NAV2: variants seen among roughly 807,000 people sequenced by gnomAD.
The protein encoded by NAV2 is helicase, APC down-regulated 1.
NAV2 carries 54 observed loss-of-function variants against 223.2 expected under a neutral mutation model. The observed-to-expected ratio is 0.24, with a 90% CI of 0.19 to 0.30. The LOEUF (loss-of-function observed/expected upper bound fraction) is 0.30. Among genes scored for constraint, NAV2 ranks in the 10% least tolerant of loss-of-function variants. The probability of loss-of-function intolerance (pLI) is 1.00; values close to 1 mark genes in which losing one functional copy is unlikely to be tolerated. For missense variants in NAV2, 2,806 were observed against 3,147.5 expected (o/e 0.89, Z 2.60); for synonymous variants, 1,279 against 1,239.3 (o/e 1.03, Z -0.67).
intron 11 of NAV2, among the ~76,000 whole-genome samples, chr11:20,010,003 A>G (rs1285164470): frequency 6.6e-6 from 1 of 152,128 alleles, no homozygotes; most frequent in Non-Finnish European, 1.5e-5. Flanking sequence ...CACCTCATCT[A>G]TACTCTAAGC....
At position 19,798,474 on chromosome 11, in the gene NAV2, A is replaced by C. The variant is rs191223909; in HGVS notation, c.268-34010A>C. Among the ~76,000 whole-genome samples, 11 of 152,288 alleles carry C rather than the reference A, an allele frequency of 7.2e-5. 1 individual carries two copies. The East Asian group carries it at 2.1e-3, about 29-fold the overall frequency. ...TCCTCTGCTGTGGGAAAATGGCTTTAAAAAGATGTGGGGAGGGGATGGTTT... is the reference window on the plus strand; with the variant it reads ...TCCTCTGCTGTGGGAAAATGGCTTTCAAAAGATGTGGGGAGGGGATGGTTT... On this transcript the variant is annotated intron_variant, in intron 1 of 37. Coordinates refer to ENST00000349880, the MANE Select transcript of NAV2 (RefSeq NM_145117.5).
In NAV2 at chr11:19,892,691, T is replaced by G. The variant is rs2041605708; in HGVS notation, c.931+97T>G. 3.0e-6 allele frequency: 4 copies of G among 1,329,208 alleles called. No individual in the cohort carries two copies. The African/African-American group carries it at 5.9e-5, about 20-fold the overall frequency. The allele number at this position is 1,329,208 out of a possible 1,614,324, so 82.3% of individuals were successfully genotyped here. On this transcript the variant is annotated intron_variant, in intron 6 of 37. Coordinates refer to ENST00000349880, the MANE Select transcript of NAV2 (RefSeq NM_145117.5). ...ATTGGGTTGGGTCATGGGGAGGGGT[T>G]GCATCTGTGTTGAGAATGAGTTACA... is the stretch of plus-strand genomic sequence containing the variant.
At chr11:19,843,713 A>G (rs964280211) in intron 3 of NAV2, among the ~76,000 whole-genome samples, 1 of 151,730 alleles carries the variant, frequency 6.6e-6, no homozygotes, top group Non-Finnish European at 1.5e-5. Context: ...GTGGCAACTT[A>G]AGGACAACTA....
intron 1 of NAV2, among the ~76,000 whole-genome samples, chr11:19,758,074 A>G (rs1377133169): frequency 6.6e-6 from 1 of 152,192 alleles, no homozygotes; most frequent in Non-Finnish European, 1.5e-5. Context: ...TAATATTTAC[A>G]TTGTGGTGTA....
rs1019534183 is a variant in NAV2, at chr11:19,696,635, T to C, written c.76-135849T>C. Reference sequence around the variant, plus strand: ...GTTTGAAATTGGTTCTTGATGATAGTGGCTGGCTGTCTGGCTTCAGAGAAA... The same window carrying C: ...GTTTGAAATTGGTTCTTGATGATAGCGGCTGGCTGTCTGGCTTCAGAGAAA... On this transcript the variant is annotated intron_variant, in intron 1 of 37. Coordinates refer to the NAV2 transcript ENST00000360655. Among the ~76,000 whole-genome samples the C allele has an allele frequency of 3.9e-5, 6 of 152,244 alleles. 1 individual carries two copies. Among genetic ancestry groups the C allele is most frequent in the African/African-American group, 7.2e-5 (3 of 41,460 alleles).
chr11:19,868,717 A>G (rs1590974560), intron 3 of NAV2, among the ~76,000 whole-genome samples: 1 of 152,200 alleles, frequency 6.6e-6, no homozygotes, highest in South Asian at 2.1e-4. Context: ...GGCTGTGAGC[A>G]ATGCAAGACC....
intron 1 of NAV2, among the ~76,000 whole-genome samples, chr11:19,523,115 C>G (rs2043724381): frequency 1.3e-5 from 2 of 152,220 alleles, no homozygotes; most frequent in East Asian, 3.9e-4. Flanking sequence ...GAGGGTACCT[C>G]ACTTGTCCCT....
chr11:19,990,370 C>T (rs545492827), intron 11 of NAV2, among the ~76,000 whole-genome samples: 22 of 152,160 alleles, frequency 1.4e-4, no homozygotes, highest in Non-Finnish European at 3.1e-4. Flanking sequence ...AGAGATTCTG[C>T]AGTCATTCAA....
chr11:19,882,700 C>T (rs1223389423), intron 5 of NAV2, among the ~76,000 whole-genome samples: 3 of 152,204 alleles, frequency 2.0e-5, no homozygotes, highest in Admixed American at 1.3e-4. Flanking sequence ...CTAACGAGTG[C>T]TTTACCTAAA....
At position 19,713,479 on chromosome 11, in the gene NAV2, G is replaced by T; in HGVS notation, c.-217G>T. On this transcript the variant is annotated 5_prime_UTR_variant, in exon 1 of 38. Coordinates refer to ENST00000349880, the MANE Select transcript of NAV2 (RefSeq NM_145117.5). The surrounding 1 kb of genome is among the most constrained non-coding windows in gnomAD (Gnocchi z 7.2). ...TCCGTCCAGGTGGGACCCGCTGAGC[G>T]CCGTGGCCAGTCCCCCATTCCCATC... 1 of 1,350,686 alleles carries T rather than the reference G, an allele frequency of 7.4e-7. No individual in the cohort carries two copies. The highest frequency in any genetic ancestry group is 2.1e-5 in the South Asian group (1 of 46,760). 83.7% of individuals were successfully genotyped at this position (1,350,686 alleles called of 1,614,324 possible).
At chr11:20,036,197 C>T in intron 12 of NAV2, 100 bp downstream of exon 12, 1 of 1,396,468 alleles carries the variant, frequency 7.2e-7, no homozygotes, top group Non-Finnish European at 1.0e-6. Flanking sequence ...ACCAGAATCT[C>T]CAGGTTGATG....
chr11:19,636,080 C>T (rs2047491003), intron 1 of NAV2, among the ~76,000 whole-genome samples: 1 of 152,180 alleles, frequency 6.6e-6, no homozygotes, highest in South Asian at 2.1e-4. Flanking sequence ...TTTCACAAGC[C>T]TGAATCTCAC....
chr11:20,065,981 G>A (rs1250762332), intron 20 of NAV2, among the ~76,000 whole-genome samples: 1 of 152,208 alleles, frequency 6.6e-6, no homozygotes, highest in Admixed American at 6.5e-5. Flanking sequence ...TCCCAACTCT[G>A]CCACTTACCA....
chr11:19,408,099 C>T (rs941054387), intron 1 of NAV2, among the ~76,000 whole-genome samples: 4 of 152,170 alleles, frequency 2.6e-5, no homozygotes, highest in Non-Finnish European at 5.9e-5. Flanking sequence ...ATGAAGCGAG[C>T]TTTAACTAAC....
chr11:19,721,397 C>T (rs961431238), intron 1 of NAV2, among the ~76,000 whole-genome samples: 19 of 152,290 alleles, frequency 1.2e-4, no homozygotes, highest in Middle Eastern at 3.4e-3. Context: ...GCCCACTAAA[C>T]GTCATTGTTG....
At chr11:19,484,190 A>T (rs1052206396) in intron 1 of NAV2, among the ~76,000 whole-genome samples, 1 of 151,574 alleles carries the variant, frequency 6.6e-6, no homozygotes, top group Non-Finnish European at 1.5e-5. Flanking sequence ...AAGACCCCTA[A>T]GGAATGAGTA....
At chr11:19,423,901 G>C (rs1473565932) in intron 1 of NAV2, among the ~76,000 whole-genome samples, 3 of 152,144 alleles carry the variant, frequency 2.0e-5, no homozygotes, top group African/African-American at 7.2e-5. Flanking sequence ...TCTAGGAGCT[G>C]AGGCATGAGC....
At chr11:19,680,402 G>A (rs2048850574) in intron 1 of NAV2, among the ~76,000 whole-genome samples, 1 of 152,060 alleles carries the variant, frequency 6.6e-6, no homozygotes, top group Non-Finnish European at 1.5e-5. Context: ...CTGAATCACT[G>A]TTTATTGTTT....
At chr11:19,711,505 T>C (rs2049874681), upstream of NAV2, 1 of 152,212 alleles carries the variant, frequency 6.6e-6, no homozygotes, top group South Asian at 2.1e-4. Flanking sequence ...GTCTTGACCT[T>C]ATTACCTCCT....
Sources: gnomAD v4.1 joint callset for allele counts (sites outside exome capture counted in the v4.1 genomes callset) on GRCh38, gnomAD v4.1.1 for gene constraint, Gnocchi (gnomAD v3.1) non-coding constraint, MANE v1.5 for transcripts, NCBI Gene and HGNC (gene_info 2026-07-23, HGNC 2026-07-21) for gene names.